TUBGCP5: variants seen among roughly 807,000 people sequenced by gnomAD.
TUBGCP5 encodes tubulin gamma complex component 5.
TUBGCP5 carries 98 observed loss-of-function variants against 134.7 expected under a neutral mutation model. That is an observed-to-expected ratio of 0.73 (90% CI 0.62 to 0.86). TUBGCP5 has a LOEUF of 0.86. Among genes scored for constraint, TUBGCP5 ranks in the 40% least tolerant of loss-of-function variants. TUBGCP5 has a pLI of 0.00. For missense variants in TUBGCP5, 1,150 were observed against 1,244.8 expected (o/e 0.92, Z 1.15); for synonymous variants, 456 against 431.4 (o/e 1.06, Z -0.71).
intron 12 of TUBGCP5, 146 bp downstream of exon 12, chr15:23,019,073 T>C (rs565059088): frequency 7.4e-6 from 4 of 537,022 alleles, no homozygotes; most frequent in South Asian, 3.4e-5. Flanking sequence ...AAAAATGAGA[T>C]AGAACTTGCC....
chr15:23,025,558 C>T (rs987078341), intron 8 of TUBGCP5, among the ~76,000 whole-genome samples: 1 of 152,114 alleles, frequency 6.6e-6, no homozygotes, highest in Non-Finnish European at 1.5e-5. Context: ...TAGCTACCGG[C>T]GCGGTGGCTC....
intron 23 of TUBGCP5, among the ~76,000 whole-genome samples, chr15:22,991,991 C>T (rs1477473289): frequency 4.6e-5 from 7 of 152,096 alleles, no homozygotes; most frequent in Non-Finnish European, 8.8e-5. Context: ...GCAAAGGAGG[C>T]AGTTCATCTA....
At chr15:22,987,099 G>A (rs995383208) in intron 23 of TUBGCP5, among the ~76,000 whole-genome samples, 1 of 151,894 alleles carries the variant, frequency 6.6e-6, no homozygotes, top group Non-Finnish European at 1.5e-5. Flanking sequence ...TTGGGAGGCT[G>A]AGGCAGGCGG....
rs2065162871 is a variant in TUBGCP5 at position 23,013,658 on chromosome 15, C to CTAG, written c.1757-2328_1757-2327insCTA. On this transcript the variant is annotated intron_variant, in intron 13 of 22. Coordinates refer to ENST00000615383, the MANE Select transcript of TUBGCP5 (RefSeq NM_052903.6). This position sits in a 1 kb window ranked among gnomAD's most constrained non-coding sequence, Gnocchi z 4.5. ...ACCCACCAGCCCCCACAAACACCTA[C>CTAG]AGTCATTACTACAGGAGGATTCCAC... Among the ~76,000 whole-genome samples, 1 of 152,168 alleles carries CTAG rather than the reference C, an allele frequency of 6.6e-6. No homozygotes were observed. Among genetic ancestry groups the CTAG allele is most frequent in the Non-Finnish European group, 1.5e-5 (1 of 68,028 alleles).
At chr15:22,988,757 T>TTTTGTTG (rs750813487) in intron 23 of TUBGCP5, among the ~76,000 whole-genome samples, 2 of 151,766 alleles carry the variant, frequency 1.3e-5, no homozygotes, top group Non-Finnish European at 2.9e-5. Flanking sequence ...AAATCTGTTT[T>TTTTGTTG]TTTGTTGTTT....
rs539158725 is a variant in TUBGCP5 at position 22,990,831 on chromosome 15, A to C, written c.*61+6014T>G. ...AGCAGTGTGCTTACAAGAGACACGC[A>C]GAGAACAGACCCAGAAAGAGGCAGT... is the stretch of plus-strand genomic sequence containing the variant. On this transcript the variant is annotated intron_variant and NMD_transcript_variant, in intron 23 of 23. Coordinates refer to the TUBGCP5 transcript ENST00000614508. Among the ~76,000 whole-genome samples the C allele has an allele frequency of 1.6e-4, 25 of 152,328 alleles. No homozygotes were observed. In the South Asian group the frequency reaches 4.6e-3, roughly 28 times the overall value.
chr15:23,038,810 A>G, intron 1 of TUBGCP5, among the ~76,000 whole-genome samples: 1 of 152,164 alleles, frequency 6.6e-6, no homozygotes, highest in African/African-American at 2.4e-5. Flanking sequence ...AATTAGTTAC[A>G]AGAGAAACTG....
intron 18 of TUBGCP5, chr15:23,005,829 GTACA>G: frequency 1.5e-6 from 1 of 671,262 alleles, no homozygotes. Flanking sequence ...CAGATCAACT[GTACA>G]TACAACTTCC....
intron 23 of TUBGCP5, among the ~76,000 whole-genome samples, chr15:22,984,440 C>T (rs975887523): frequency 1.3e-4 from 20 of 151,932 alleles, no homozygotes; most frequent in Admixed American, 3.9e-4. Context: ...GCCAACGTGG[C>T]GAAACCCTGT....
chr15:23,035,329 T>TA lies in TUBGCP5; in HGVS notation c.309+1567dup, dbSNP rs71117460. On this transcript the variant is annotated intron_variant, in intron 3 of 22. Transcript: ENST00000615383. Reference sequence around the variant, plus strand: ...TGGGTGACAAAGTGACACTCAGTCTTAAAAAAAAAAAAGAAAAAAAGTGTG... The same window carrying TA: ...TGGGTGACAAAGTGACACTCAGTCTTAAAAAAAAAAAAAGAAAAAAAGTGTG... 3.1e-3 allele frequency among the ~76,000 whole-genome samples: 416 copies of TA among 134,606 alleles called. 1 individual carries two copies. Among genetic ancestry groups the TA allele is most frequent in the Non-Finnish European group, 4.8e-3 (305 of 63,706 alleles). 88.3% of individuals were successfully genotyped at this position (134,606 alleles called of 152,430 possible).
intron 13 of TUBGCP5, 62 bp from the exon 14 acceptor site, chr15:23,011,393 C>A (rs997592925): frequency 8.9e-6 from 10 of 1,120,782 alleles, no homozygotes; most frequent in Non-Finnish European, 1.3e-5. Flanking sequence ...AAGTAACATT[C>A]TGTTTAATCA....
At chr15:23,025,506 A>G (rs1199288265) in intron 8 of TUBGCP5, among the ~76,000 whole-genome samples, 1 of 152,180 alleles carries the variant, frequency 6.6e-6, no homozygotes, top group East Asian at 1.9e-4. Context: ...AGGTACGGGC[A>G]CAGGCCCTCA....
At position 23,022,043 on chromosome 15, in the gene TUBGCP5, A is replaced by G. The variant is rs1383514906; in HGVS notation, c.1287T>C (p.Asn429=). 2.5e-6 allele frequency: 4 copies of G among 1,614,044 alleles called. No homozygotes were observed. The highest frequency in any genetic ancestry group is 1.7e-6 in the Non-Finnish European group (2 of 1,180,016). Residue 429 remains asparagine (N), a synonymous_variant, in exon 11 of 23, where the codon AAT becomes AAC. Transcript: ENST00000615383. The stretch of plus-strand genomic sequence containing the variant: ...TAAGCAGGTGAGAGGCCCGGACGAC[A>G]TTTCGAGTATCAGGTGGAACTTCTG... ...GVAEVPPDTR[N]VVRASHLLNT...
chr15:23,029,525 T>G (rs1239303753), intron 6 of TUBGCP5, among the ~76,000 whole-genome samples: 1 of 152,172 alleles, frequency 6.6e-6, no homozygotes, highest in Non-Finnish European at 1.5e-5. Flanking sequence ...CTGGCCTTTT[T>G]TTTCTTTAAA....
At chr15:23,035,330 A>G (rs1025152650) in intron 3 of TUBGCP5, among the ~76,000 whole-genome samples, 1 of 39,650 alleles carries the variant, frequency 2.5e-5, no homozygotes, top group Non-Finnish European at 4.5e-5. Context: ...ACTCAGTCTT[A>G]AAAAAAAAAA....
chr15:23,001,357 T>C (rs1357871022), intron 21 of TUBGCP5, among the ~76,000 whole-genome samples: 1 of 151,326 alleles, frequency 6.6e-6, no homozygotes, highest in African/African-American at 2.4e-5. Context: ...TTTTTTTTTT[T>C]AGACAGAGTT....
In TUBGCP5 at chr15:23,010,119, T is replaced by C; in HGVS notation, c.1970A>G (p.Gln657Arg). ...AGCAAACTTCTCGTGAAAGTCACTC[T>C]GCTCCAAATACATCCTTCAAGATAA... ...AINFARMYLE[Q>R]SDFHEKFAGG... The change falls in exon 15 of 23, where the codon CAG (glutamine) becomes CGG (arginine). Residue 657 changes from glutamine (Q) to arginine (R), a missense_variant. Transcript: ENST00000615383. 6.2e-7 allele frequency: 1 copy of C among 1,613,302 alleles called. No homozygotes were observed. Among genetic ancestry groups the C allele is most frequent in the African/African-American group, 1.3e-5 (1 of 75,060 alleles).
rs2065740622 is a variant in TUBGCP5 at position 23,022,153 on chromosome 15, T to C, written c.1177A>G (p.Ile393Val). ...TTGTCCACCACTATTGCAAGAGTTATTGTAGTATCTGCAAATATCAATAAA... is the reference window on the plus strand; with the variant it reads ...TTGTCCACCACTATTGCAAGAGTTACTGTAGTATCTGCAAATATCAATAAA... ...EKCIINNDTTITLAIVVDKLA... is the reference protein window; with the variant it reads ...EKCIINNDTTVTLAIVVDKLA... Residue 393 changes from isoleucine to valine, a missense_variant, in exon 11 of 23, where the codon ATA becomes GTA. Around this residue, in one of 2 missense-constraint regions of TUBGCP5, gnomAD observed 697 missense variants for 850.1 expected, o/e 0.82. Coordinates refer to ENST00000615383, the MANE Select transcript of TUBGCP5 (RefSeq NM_052903.6). 1.2e-6 allele frequency: 2 copies of C among 1,614,044 alleles called. No homozygotes were observed. The highest frequency in any genetic ancestry group is 1.1e-5 in the South Asian group (1 of 91,082).
chr15:23,026,333 G>A, intron 7 of TUBGCP5, 128 bp from the exon 8 acceptor site: 1 of 712,834 alleles, frequency 1.4e-6, no homozygotes, highest in African/African-American at 1.8e-5. Context: ...ATAATAAATG[G>A]CTTAAATGCC....
Sources: gnomAD v4.1 joint callset for allele counts (sites outside exome capture counted in the v4.1 genomes callset) on GRCh38, gnomAD v4.1.1 for gene constraint, gnomAD v4.1.1 regional missense constraint, Gnocchi (gnomAD v3.1) non-coding constraint, MANE v1.5 for transcripts, NCBI Gene and HGNC (gene_info 2026-07-23, HGNC 2026-07-21) for gene names.